Variants in MEF2A observed in about 807,000 individuals in gnomAD.
The protein encoded by MEF2A is myocyte-specific enhancer factor 2A.
In MEF2A, 28 loss-of-function variants were observed where a neutral mutation model predicts 55.8. The ratio of observed to expected loss-of-function variants is 0.50; its 90% CI spans 0.37 to 0.69. The LOEUF (loss-of-function observed/expected upper bound fraction) is 0.69. Ranked by LOEUF, MEF2A falls within the 30% of genes least tolerant of loss-of-function variation. The pLI is 0.00. For missense variants in MEF2A, 528 were observed against 626.2 expected (o/e 0.84, Z 1.67); for synonymous variants, 239 against 227.1 (o/e 1.05, Z -0.47).
intron 8 of MEF2A, among the ~76,000 whole-genome samples, chr15:99,697,712 G>T (rs2056712120): frequency 6.6e-6 from 1 of 152,126 alleles, no homozygotes; most frequent in Non-Finnish European, 1.5e-5. Context: ...CTCTTTTGTA[G>T]TTACTAACAA....
intron 2 of MEF2A, among the ~76,000 whole-genome samples, chr15:99,622,287 A>C (rs1006398494): frequency 1.3e-5 from 2 of 152,054 alleles, no homozygotes; most frequent in Non-Finnish European, 2.9e-5. Context: ...AGGACTTGGG[A>C]TTTAATTGGA....
At chr15:99,619,754 G>A (rs908221698) in intron 2 of MEF2A, among the ~76,000 whole-genome samples, 1 of 152,112 alleles carries the variant, frequency 6.6e-6, no homozygotes, top group Non-Finnish European at 1.5e-5. Context: ...GCCTCATGTG[G>A]TACATATAAT....
chr15:99,699,729 C>A (rs1375667581), intron 8 of MEF2A, among the ~76,000 whole-genome samples: 2 of 152,186 alleles, frequency 1.3e-5, no homozygotes, highest in Non-Finnish European at 2.9e-5. Context: ...TAGCAAATCA[C>A]TGTGCTCTAG....
Position 99,612,269 on chromosome 15 carries a change from T to C in MEF2A, c.-143+13758T>C, listed in dbSNP as rs907065189. ...TTTCTACTAAAAACTACAAAAAAAT[T>C]AGCTGGGCGCGGTGGTGGGCGTCTG... On this transcript the variant is annotated intron_variant, in intron 2 of 11. Coordinates refer to ENST00000557942, the MANE Select transcript of MEF2A (RefSeq NM_001319206.4). Among the ~76,000 whole-genome samples the C allele has an allele frequency of 2.0e-5, 3 of 151,794 alleles. 1 individual carries two copies. The highest frequency in any genetic ancestry group is 4.2e-4 in the South Asian group (2 of 4,804).
At chr15:99,664,136 A>C (rs1233233977) in intron 4 of MEF2A, among the ~76,000 whole-genome samples, 1 of 152,236 alleles carries the variant, frequency 6.6e-6, no homozygotes, top group Non-Finnish European at 1.5e-5. Flanking sequence ...TTGTAGAGGT[A>C]CTAGCCAGAC....
intron 9 of MEF2A, among the ~76,000 whole-genome samples, chr15:99,706,308 G>C (rs1156996892): frequency 6.6e-6 from 1 of 152,246 alleles, no homozygotes; most frequent in Non-Finnish European, 1.5e-5. Flanking sequence ...GCAAAGAAAA[G>C]TAGTTTTGAT....
intron 1 of MEF2A, among the ~76,000 whole-genome samples, chr15:99,577,705 A>G (rs1384241740): frequency 2.6e-5 from 4 of 152,220 alleles, no homozygotes; most frequent in African/African-American, 7.2e-5. Context: ...CTAAGTTTCA[A>G]TCCATAATCC....
At chr15:99,688,104 T>C (rs1009617673) in intron 7 of MEF2A, among the ~76,000 whole-genome samples, 1 of 152,262 alleles carries the variant, frequency 6.6e-6, no homozygotes, top group Non-Finnish European at 1.5e-5. Context: ...TCTGCTTTAT[T>C]TGTGATTTAC....
chr15:99,696,395 G>A lies in MEF2A; in HGVS notation c.858+5967G>A, dbSNP rs142968650. ...GCAAATTTCAGTGAATTGAAATCAG[G>A]CATATTATATTCTCTGGCCATAAGG... On this transcript the variant is annotated intron_variant, in intron 8 of 11. Coordinates refer to ENST00000557942, the MANE Select transcript of MEF2A (RefSeq NM_001319206.4). 3.5e-4 allele frequency among the ~76,000 whole-genome samples: 54 copies of A among 152,212 alleles called. 2 individuals are homozygous for A. Among genetic ancestry groups the A allele is most frequent in the Non-Finnish European group, 1.8e-4 (12 of 68,014 alleles).
chr15:99,580,238 C>A (rs1334175099), intron 1 of MEF2A, among the ~76,000 whole-genome samples: 1 of 152,134 alleles, frequency 6.6e-6, no homozygotes, highest in Non-Finnish European at 1.5e-5. Context: ...GATTTGGTGA[C>A]TTCCCCCGCC....
chr15:99,568,405 A>C (rs1000501999), intron 1 of MEF2A, among the ~76,000 whole-genome samples: 1 of 152,182 alleles, frequency 6.6e-6, no homozygotes, highest in Non-Finnish European at 1.5e-5. Flanking sequence ...TATGTTTTTC[A>C]AAGCAATTTC....
intron 2 of MEF2A, among the ~76,000 whole-genome samples, chr15:99,631,224 T>C (rs1008080202): frequency 3.3e-5 from 5 of 152,224 alleles, no homozygotes; most frequent in Admixed American, 2.0e-4. Context: ...CATTAAAATA[T>C]CTTGCATGCC....
chr15:99,641,107 A>G (rs1464270210), intron 3 of MEF2A, among the ~76,000 whole-genome samples: 2 of 152,140 alleles, frequency 1.3e-5, no homozygotes, highest in African/African-American at 2.4e-5. Context: ...AGTGTCCGCA[A>G]AGAACTCTGA....
At chr15:99,581,556 A>C (rs1965938077) in intron 1 of MEF2A, among the ~76,000 whole-genome samples, 1 of 151,812 alleles carries the variant, frequency 6.6e-6, no homozygotes, top group Non-Finnish European at 1.5e-5. Flanking sequence ...GTGAATATGG[A>C]TCATCCCCAT....
At chr15:99,578,426 T>C (rs1389932932) in intron 1 of MEF2A, among the ~76,000 whole-genome samples, 1 of 152,242 alleles carries the variant, frequency 6.6e-6, no homozygotes, top group Non-Finnish European at 1.5e-5. Flanking sequence ...TTGAAAGCTC[T>C]TCTTCACTTT....
intron 7 of MEF2A, among the ~76,000 whole-genome samples, chr15:99,683,252 T>TC (rs989234813): frequency 1.3e-5 from 2 of 152,142 alleles, no homozygotes; most frequent in Non-Finnish European, 2.9e-5. Flanking sequence ...GGAAATAACC[T>TC]CATGAGGTTA....
At chr15:99,689,353 A>G (rs1019033901) in intron 7 of MEF2A, among the ~76,000 whole-genome samples, 1 of 152,250 alleles carries the variant, frequency 6.6e-6, no homozygotes, top group Non-Finnish European at 1.5e-5. Flanking sequence ...TTCACTACTC[A>G]GAACTTAGTG....
At chr15:99,567,817 A>G (rs1051135245) in intron 1 of MEF2A, among the ~76,000 whole-genome samples, 3 of 152,224 alleles carry the variant, frequency 2.0e-5, no homozygotes, top group Non-Finnish European at 4.4e-5. Context: ...CATTAAGATC[A>G]GTATTTGTTA....
intron 8 of MEF2A, 72 bp downstream of exon 8, chr15:99,690,500 T>C (rs2055182323): frequency 2.2e-6 from 3 of 1,382,636 alleles, no homozygotes; most frequent in Non-Finnish European, 3.0e-6. Context: ...GTAGCTTCCT[T>C]TGGAATTTTC....
Sources: gnomAD v4.1 joint callset for allele counts (sites outside exome capture counted in the v4.1 genomes callset) on GRCh38, gnomAD v4.1.1 for gene constraint, MANE v1.5 for transcripts, NCBI Gene and HGNC (gene_info 2026-07-23, HGNC 2026-07-21) for gene names.